PRKCE: variants seen among roughly 807,000 people sequenced by gnomAD.
PRKCE encodes protein kinase C epsilon type.
A neutral mutation model predicts 85.4 loss-of-function variants in PRKCE; 16 were observed. The ratio of observed to expected loss-of-function variants is 0.19; its 90% CI spans 0.13 to 0.28. The LOEUF is 0.28. PRKCE is among the 10% of genes least tolerant of loss of function. The probability of loss-of-function intolerance (pLI) is 1.00; values close to 1 mark genes in which losing one functional copy is unlikely to be tolerated. For missense variants in PRKCE, 573 were observed against 975.2 expected, an observed-to-expected ratio of 0.59 and a Z score of 5.49; for synonymous variants, 388 against 371.5, an observed-to-expected ratio of 1.04 and a Z score of -0.51.
chr2:46,141,368 T>A (rs1675506915), intron 11 of PRKCE, among the ~76,000 whole-genome samples: 1 of 152,192 alleles, frequency 6.6e-6, no homozygotes, highest in African/African-American at 2.4e-5. Flanking sequence ...AAAATGTGTA[T>A]GGTAAGCTCC....
rs147006615 is a variant in PRKCE, at chr2:45,770,409, C to T, written c.349-72591C>T. 2.1e-4 allele frequency among the ~76,000 whole-genome samples: 32 copies of T among 152,246 alleles called. No individual in the cohort carries two copies. In the East Asian group the frequency reaches 3.5e-3, roughly 17 times the overall value. ...ATATTGCCTAAGGTTCTCATGTTCA[C>T]GTAGACTGTAATTTTTGAGATAGGC... On this transcript the variant is annotated intron_variant, in intron 1 of 14. Transcript: ENST00000306156.
chr2:46,049,600 C>T (rs1574331798), intron 10 of PRKCE, among the ~76,000 whole-genome samples: 1 of 152,156 alleles, frequency 6.6e-6, no homozygotes. Flanking sequence ...GTGTAATACC[C>T]GCTGCAGGAA....
chr2:45,708,646 G>C (rs1048983892), intron 1 of PRKCE, among the ~76,000 whole-genome samples: 14 of 152,172 alleles, frequency 9.2e-5, no homozygotes, highest in Non-Finnish European at 1.5e-4. Flanking sequence ...TAATTGCCCA[G>C]CCTCGGGTAT....
At chr2:45,972,348 A>G (rs894807997) in intron 2 of PRKCE, among the ~76,000 whole-genome samples, 7 of 152,180 alleles carry the variant, frequency 4.6e-5, no homozygotes, top group Admixed American at 2.0e-4. Context: ...GGAGTTTCTT[A>G]TGTATTTTGG....
intron 1 of PRKCE, among the ~76,000 whole-genome samples, chr2:45,750,911 A>G (rs747237259): frequency 1.3e-5 from 2 of 152,164 alleles, no homozygotes; most frequent in Non-Finnish European, 2.9e-5. Context: ...CCTTGCAGCC[A>G]GAATATTATC....
intron 2 of PRKCE, among the ~76,000 whole-genome samples, chr2:45,922,585 C>T (rs926263788): frequency 2.0e-5 from 3 of 152,202 alleles, no homozygotes; most frequent in Admixed American, 6.5e-5. Context: ...AAACCCTTCC[C>T]CCCAGGCTGT....
At chr2:46,079,748 A>G (rs897180544) in intron 10 of PRKCE, among the ~76,000 whole-genome samples, 1 of 152,230 alleles carries the variant, frequency 6.6e-6, no homozygotes, top group Non-Finnish European at 1.5e-5. Flanking sequence ...AACTGCTGCT[A>G]AGGAGAAGCC....
At chr2:46,031,951 A>G (rs913949648) in intron 10 of PRKCE, among the ~76,000 whole-genome samples, 3 of 152,116 alleles carry the variant, frequency 2.0e-5, no homozygotes, top group African/African-American at 7.2e-5. Context: ...TCTTAGCAAT[A>G]GGGTATCTCA....
At chr2:45,974,053 C>G (rs965679897) in intron 2 of PRKCE, among the ~76,000 whole-genome samples, 1 of 152,110 alleles carries the variant, frequency 6.6e-6, no homozygotes, top group Non-Finnish European at 1.5e-5. Flanking sequence ...CTATGATGCC[C>G]AGGATGATGT....
At chr2:45,844,853 A>ATAAC (rs999796097) in intron 2 of PRKCE, among the ~76,000 whole-genome samples, 2 of 152,226 alleles carry the variant, frequency 1.3e-5, no homozygotes, top group African/African-American at 4.8e-5. Flanking sequence ...GAATAAATAA[A>ATAAC]TCAGAAGCAA....
chr2:46,149,661 T>C (rs1676412959), intron 12 of PRKCE, among the ~76,000 whole-genome samples: 1 of 150,394 alleles, frequency 6.6e-6, no homozygotes, highest in Non-Finnish European at 1.5e-5. Flanking sequence ...AAGGTGATAT[T>C]AAATTCTAGT....
chr2:45,752,984 G>A (rs1215898776), intron 1 of PRKCE, among the ~76,000 whole-genome samples: 1 of 152,166 alleles, frequency 6.6e-6, no homozygotes, highest in East Asian at 1.9e-4. Context: ...GGTTTATGGA[G>A]CTTTCCTGCG....
intron 12 of PRKCE, among the ~76,000 whole-genome samples, chr2:46,147,896 T>A (rs1385767586): frequency 6.6e-6 from 1 of 152,138 alleles, no homozygotes; most frequent in Non-Finnish European, 1.5e-5. Context: ...TGTTTTTGAG[T>A]CTCAGGTTTC....
At chr2:46,157,938 C>A (rs1403032678) in intron 13 of PRKCE, among the ~76,000 whole-genome samples, 3 of 152,238 alleles carry the variant, frequency 2.0e-5, no homozygotes, top group African/African-American at 7.2e-5. Context: ...TTAGAGAAGG[C>A]CATTTGTATC....
chr2:46,100,535 C>G (rs1485710341), intron 11 of PRKCE, among the ~76,000 whole-genome samples: 1 of 152,170 alleles, frequency 6.6e-6, no homozygotes, highest in Non-Finnish European at 1.5e-5. Flanking sequence ...TTGAGAATGC[C>G]ACCCCTGAGA....
intron 11 of PRKCE, among the ~76,000 whole-genome samples, chr2:46,123,658 T>A (rs1673561032): frequency 6.6e-6 from 1 of 152,052 alleles, no homozygotes; most frequent in South Asian, 2.1e-4. Context: ...CCAACTAATT[T>A]TTGTATTAGT....
At chr2:45,983,341 C>T (rs915018075) in intron 5 of PRKCE, among the ~76,000 whole-genome samples, 6 of 152,134 alleles carry the variant, frequency 3.9e-5, no homozygotes, top group African/African-American at 7.2e-5. Context: ...CCAGCTTTGC[C>T]GCATGCCAGC....
intron 1 of PRKCE, among the ~76,000 whole-genome samples, chr2:45,750,036 G>A (rs1370156239): frequency 6.6e-6 from 1 of 152,064 alleles, no homozygotes; most frequent in Non-Finnish European, 1.5e-5. Flanking sequence ...GATTTTTCTA[G>A]GCTCTTAAGC....
intron 1 of PRKCE, among the ~76,000 whole-genome samples, chr2:45,835,219 T>G (rs1184635925): frequency 6.6e-6 from 1 of 152,252 alleles, no homozygotes; most frequent in Non-Finnish European, 1.5e-5. Context: ...AAAGGAAACT[T>G]GTGGAGGAAT....
Sources: allele counts gnomAD v4.1 joint callset (sites outside exome capture counted in the v4.1 genomes callset), GRCh38; gene constraint gnomAD v4.1.1; transcripts MANE v1.5; gene names NCBI Gene and HGNC (gene_info 2026-07-23, HGNC 2026-07-21).